The following TMEM40 variants were observed in gnomAD, a reference collection of about 807,000 sequenced individuals.
TMEM40 encodes transmembrane protein 40.
TMEM40 carries 34 observed loss-of-function variants against 40.8 expected under a neutral mutation model. That is an observed-to-expected ratio of 0.83 (90% confidence interval 0.63 to 1.11). The LOEUF (loss-of-function observed/expected upper bound fraction) is 1.11. TMEM40 is among the 50% of genes least tolerant of loss of function. The probability of loss-of-function intolerance (pLI) is 0.00; values close to 1 mark genes in which losing one functional copy is unlikely to be tolerated. For missense variants in TMEM40, 296 were observed against 280.2 expected, an observed-to-expected ratio of 1.06 and a Z score of -0.40; for synonymous variants, 106 against 107.0, an observed-to-expected ratio of 0.99 and a Z score of 0.06.
chr3:12,755,079 C>T (rs2061509093), intron 1 of TMEM40, among the ~76,000 whole-genome samples: 1 of 139,860 alleles, frequency 7.2e-6, no homozygotes, highest in Non-Finnish European at 1.5e-5. Context: ...TTCTTTCTTT[C>T]CTCTCTCTTC....
At chr3:12,750,006 G>C (rs1318916106) in intron 1 of TMEM40, among the ~76,000 whole-genome samples, 166 bp from the exon 2 acceptor site, 3 of 152,206 alleles carry the variant, frequency 2.0e-5, no homozygotes, top group Admixed American at 6.5e-5. Flanking sequence ...AAGAAGGCCG[G>C]GGTAGTGGAG....
chr3:12,742,398 A>C, intron 5 of TMEM40, 56 bp downstream of exon 5: 1 of 1,590,632 alleles, frequency 6.3e-7, no homozygotes, highest in South Asian at 1.1e-5. Flanking sequence ...TGCCCAGCAA[A>C]GCCCTCTTTT....
chr3:12,765,797 C>T (rs1335421830), intron 1 of TMEM40, among the ~76,000 whole-genome samples: 1 of 152,030 alleles, frequency 6.6e-6, no homozygotes, highest in African/African-American at 2.4e-5. Flanking sequence ...TCTCGATCTC[C>T]TGACCTCGTC....
chr3:12,768,998 C>T (rs967161463), intron 1 of TMEM40, among the ~76,000 whole-genome samples: 37 of 151,476 alleles, frequency 2.4e-4, no homozygotes, highest in Non-Finnish European at 3.7e-4. Flanking sequence ...CACTGCAGGT[C>T]CTGATCCCTG....
chr3:12,758,037 G>A (rs147762905), intron 1 of TMEM40, among the ~76,000 whole-genome samples: 15 of 150,114 alleles, frequency 1.0e-4, no homozygotes, highest in Non-Finnish European at 1.2e-4. Flanking sequence ...GAATTTTATA[G>A]TAGTGAATTA....
rs565749503 is a variant in TMEM40 at position 12,734,480 on chromosome 3, G to T, written c.*294C>A. The T allele has an allele frequency of 3.9e-4, 175 of 444,776 alleles. No homozygotes were observed. The highest frequency in any genetic ancestry group is 3.2e-3 in the African/African-American group (165 of 50,884). The allele number at this position is 444,776 out of a possible 1,614,324, so 27.6% of individuals were successfully genotyped here. A position where few individuals can be genotyped will look rare whatever the true frequency, so the allele number is the denominator to read the frequency against. Reference sequence around the variant, plus strand: ...CAGGGTCCCTTGCTGTCCTCTGAGAGCAGTGACCTCCCAGAATCTTCCTGC... The same window carrying T: ...CAGGGTCCCTTGCTGTCCTCTGAGATCAGTGACCTCCCAGAATCTTCCTGC... On this transcript the variant is annotated 3_prime_UTR_variant, in exon 12 of 12. Coordinates refer to ENST00000314124, the MANE Select transcript of TMEM40 (RefSeq NM_018306.4).
chr3:12,752,474 A>G (rs536332881), intron 1 of TMEM40, among the ~76,000 whole-genome samples: 6 of 152,208 alleles, frequency 3.9e-5, no homozygotes, highest in Non-Finnish European at 7.3e-5. Context: ...TTTATAGGTC[A>G]GAATATTGGG....
At chr3:12,740,315 C>T (rs2061371608) in intron 5 of TMEM40, among the ~76,000 whole-genome samples, 1 of 150,898 alleles carries the variant, frequency 6.6e-6, no homozygotes. Flanking sequence ...GTCTTGAACT[C>T]CCAACCTCAA....
In TMEM40 at chr3:12,736,786, C is replaced by T. The variant is rs751168020; in HGVS notation, c.522G>A (p.Leu174=). 77 of 1,614,042 alleles carry T rather than the reference C, an allele frequency of 4.8e-5. 1 individual carries two copies. In the South Asian group the frequency reaches 8.2e-4, roughly 17 times the overall value. The change falls in exon 9 of 12, where the codon CTG becomes CTA. Residue 174 remains leucine, a synonymous_variant. Coordinates refer to ENST00000314124, the MANE Select transcript of TMEM40 (RefSeq NM_018306.4). ...VLLCFAIGAL[L]VCYHYYADWF... Reference sequence around the variant, plus strand: ...CACCTGCGTAATAGTGATAACACACCAGCAAGGCCCCGATGGCAAAGCACA... The same window carrying T: ...CACCTGCGTAATAGTGATAACACACTAGCAAGGCCCCGATGGCAAAGCACA...
chr3:12,755,213 T>TCTCTCTCTCTCTCTC (rs1233789779), intron 1 of TMEM40, among the ~76,000 whole-genome samples: 4 of 94,320 alleles, frequency 4.2e-5, no homozygotes, highest in African/African-American at 1.3e-4. Context: ...CTTTCTTTCT[T>TCTCTCTCTCTCTCTC]TCTCTCTCTC....
chr3:12,769,054 G>A (rs1038175104), intron 1 of TMEM40, among the ~76,000 whole-genome samples: 1 of 152,062 alleles, frequency 6.6e-6, no homozygotes, highest in East Asian at 1.9e-4. Context: ...CGAGTGCAGC[G>A]CCAGTAGGCT....
rs774670198 is a variant in TMEM40 at position 12,736,632 on chromosome 3, C to T, written c.565G>A (p.Val189Ile). 2.5e-6 allele frequency: 4 copies of T among 1,592,400 alleles called. No homozygotes were observed. Among genetic ancestry groups the T allele is most frequent in the Non-Finnish European group, 3.4e-6 (4 of 1,169,314 alleles). The change falls in exon 10 of 12, where the codon GTC becomes ATC. Residue 189 changes from valine to isoleucine, a missense_variant. Transcript: ENST00000314124. ...AGGGAGGCGAAGGTGAGCAGGCCGA[C>T]CCCAAGAGACATGAACCAGTCTGGA... ...YYADWFMSLG[V>I]GLLTFASLET... is the part of the protein sequence containing the mutation.
intron 5 of TMEM40, among the ~76,000 whole-genome samples, chr3:12,741,602 G>GTATCTACATTTTCTACAGTGAATA (rs2106609567): frequency 6.6e-6 from 1 of 152,214 alleles, no homozygotes; most frequent in East Asian, 1.9e-4. Context: ...ATAAGTGAAT[G>GTATCTACATTTTCTACAGTGAATA]TATCTACATT....
At chr3:12,763,636 C>G (rs777722811), upstream of TMEM40, among the ~76,000 whole-genome samples, 4 of 152,188 alleles carry the variant, frequency 2.6e-5, no homozygotes, top group Non-Finnish European at 4.4e-5. Flanking sequence ...ACAAGTTAGA[C>G]AGCTCAGCCT....
intron 1 of TMEM40, among the ~76,000 whole-genome samples, chr3:12,767,125 T>C (rs1315156243): frequency 1.3e-5 from 2 of 152,214 alleles, no homozygotes; most frequent in Non-Finnish European, 1.5e-5. Context: ...ATGAATTTTG[T>C]GGGACACCTT....
chr3:12,758,772 T>G (rs2061548588), intron 1 of TMEM40, among the ~76,000 whole-genome samples: 1 of 152,108 alleles, frequency 6.6e-6, no homozygotes, highest in Non-Finnish European at 1.5e-5. Context: ...CTGAGACATT[T>G]GCGGGAACAC....
intron 4 of TMEM40, among the ~76,000 whole-genome samples, chr3:12,743,247 C>A (rs1405708260): frequency 6.6e-6 from 1 of 152,208 alleles, no homozygotes; most frequent in Non-Finnish European, 1.5e-5. Context: ...GTGGGTAGAT[C>A]ACTTGAGTCC....
chr3:12,738,671 C>T (rs1328969900), intron 5 of TMEM40, 83 bp from the exon 6 acceptor site: 1 of 1,447,466 alleles, frequency 6.9e-7, no homozygotes, highest in Non-Finnish European at 9.7e-7. Flanking sequence ...GTGGATCCTG[C>T]TCGGAGACTT....
intron 1 of TMEM40, among the ~76,000 whole-genome samples, chr3:12,755,213 T>TTCTTTCTCTCTC (rs1553634015): frequency 7.4e-5 from 7 of 94,320 alleles, no homozygotes; most frequent in South Asian, 3.3e-4. Context: ...CTTTCTTTCT[T>TTCTTTCTCTCTC]TCTCTCTCTC....
Sources: gnomAD v4.1 joint callset for allele counts (sites outside exome capture counted in the v4.1 genomes callset) on GRCh38, gnomAD v4.1.1 for gene constraint, MANE v1.5 for transcripts, NCBI Gene and HGNC (gene_info 2026-07-23, HGNC 2026-07-21) for gene names.